PARD3B: variants seen among roughly 807,000 people sequenced by gnomAD.
PARD3B encodes the protein par-3 family cell polarity regulator beta.
In PARD3B, 103 loss-of-function variants were observed where a neutral mutation model predicts 130.2. The observed-to-expected ratio is 0.79, with a 90% CI of 0.67 to 0.93. The LOEUF is 0.93. PARD3B is among the 40% of genes least tolerant of loss of function. PARD3B has a pLI of 0.00. For missense variants in PARD3B, 1,609 were observed against 1,499.2 expected (o/e 1.07, Z -1.21); for synonymous variants, 583 against 553.2 (o/e 1.05, Z -0.76).
chr2:205,255,140 C>T (rs1156852424), intron 16 of PARD3B, among the ~76,000 whole-genome samples: 1 of 151,920 alleles, frequency 6.6e-6, no homozygotes, highest in Non-Finnish European at 1.5e-5. Context: ...CCCAGCTGAA[C>T]TCTTGAAGAC....
intron 2 of PARD3B, among the ~76,000 whole-genome samples, chr2:204,895,880 A>G (rs2046624634): frequency 6.6e-6 from 1 of 152,190 alleles, no homozygotes; most frequent in Non-Finnish European, 1.5e-5. Context: ...GGTCTACCTG[A>G]AAGCAGTATT....
intron 4 of PARD3B, among the ~76,000 whole-genome samples, chr2:205,097,056 C>T (rs1276886275): frequency 6.6e-6 from 1 of 152,010 alleles, no homozygotes; most frequent in Non-Finnish European, 1.5e-5. Flanking sequence ...TTTCTTTGAC[C>T]TTCAGTTTCT....
At chr2:205,006,240 A>T (rs1209338746) in intron 3 of PARD3B, among the ~76,000 whole-genome samples, 3 of 152,184 alleles carry the variant, frequency 2.0e-5, no homozygotes, top group Non-Finnish European at 2.9e-5. Context: ...TTGGTTCCGT[A>T]TCTTTGCAGT....
chr2:205,036,624 G>A (rs913426978), intron 3 of PARD3B, among the ~76,000 whole-genome samples: 12 of 139,032 alleles, frequency 8.6e-5, no homozygotes, highest in East Asian at 2.2e-4. Context: ...TATATACACA[G>A]CGGACTGTAT....
chr2:204,746,941 G>C (rs924611340), intron 2 of PARD3B, among the ~76,000 whole-genome samples: 23 of 152,112 alleles, frequency 1.5e-4, no homozygotes, highest in African/African-American at 5.3e-4. Flanking sequence ...TGTTCATTCT[G>C]ATGGTAGTTT....
At chr2:205,279,098 A>G (rs2041088493) in intron 16 of PARD3B, among the ~76,000 whole-genome samples, 1 of 147,792 alleles carries the variant, frequency 6.8e-6, no homozygotes, top group African/African-American at 2.5e-5. Flanking sequence ...AAAAAAAAAC[A>G]GTTGTTCATT....
chr2:204,881,808 C>T (rs1001828141), intron 2 of PARD3B, among the ~76,000 whole-genome samples: 2 of 152,180 alleles, frequency 1.3e-5, no homozygotes, highest in African/African-American at 4.8e-5. Context: ...GTGTGTTGTG[C>T]ATCTGCTATC....
intron 2 of PARD3B, among the ~76,000 whole-genome samples, chr2:204,935,042 T>G (rs1311417193): frequency 6.6e-6 from 1 of 152,182 alleles, no homozygotes; most frequent in African/African-American, 2.4e-5. Flanking sequence ...ATATGACGCT[T>G]GATTATAACC....
intron 16 of PARD3B, among the ~76,000 whole-genome samples, chr2:205,247,941 G>C (rs2039640967): frequency 6.6e-6 from 1 of 151,598 alleles, no homozygotes; most frequent in Non-Finnish European, 1.5e-5. Flanking sequence ...TTTTGTTTTT[G>C]TTTTTGAGAC....
intron 2 of PARD3B, among the ~76,000 whole-genome samples, chr2:204,837,320 C>A (rs1333197938): frequency 6.6e-6 from 1 of 151,802 alleles, no homozygotes; most frequent in Non-Finnish European, 1.5e-5. Context: ...GAAATTAATG[C>A]ATTTAGTTTA....
chr2:204,597,122 T>C (rs1247257314), intron 1 of PARD3B, among the ~76,000 whole-genome samples: 1 of 152,186 alleles, frequency 6.6e-6, no homozygotes, highest in Non-Finnish European at 1.5e-5. Flanking sequence ...AATTAGCTTG[T>C]CTAACTCATT....
In PARD3B at chr2:205,119,028, T is replaced by C; in HGVS notation, c.788T>C (p.Val263Ala). 1 of 1,605,914 alleles carries C rather than the reference T, an allele frequency of 6.2e-7. No individual in the cohort carries two copies. Among genetic ancestry groups the C allele is most frequent in the Middle Eastern group, 1.7e-4 (1 of 6,030 alleles). ...CIVKINNVDLVDKTFAQAQDV... is the reference protein window; with the variant it reads ...CIVKINNVDLADKTFAQAQDV... Reference sequence around the variant, plus strand: ...GTAAAAATCAACAATGTGGATCTCGTAGACAAAACCTTTGCTCAGTAAGCA... The same window carrying C: ...GTAAAAATCAACAATGTGGATCTCGCAGACAAAACCTTTGCTCAGTAAGCA... Residue 263 changes from valine to alanine, a missense_variant, in exon 7 of 23, where the codon GTA (valine) becomes GCA (alanine). Transcript: ENST00000406610.
At chr2:205,225,453 TA>T (rs1315379593) in intron 15 of PARD3B, among the ~76,000 whole-genome samples, 1 of 152,220 alleles carries the variant, frequency 6.6e-6, no homozygotes. Flanking sequence ...ATCAGATTTT[TA>T]GATTTTTTTC....
rs116053941 is a variant in PARD3B, at chr2:205,077,430, A to G, written c.505-26996A>G. 4.5e-3 allele frequency among the ~76,000 whole-genome samples: 686 copies of G among 152,282 alleles called. 4 individuals carry two copies. Among genetic ancestry groups the G allele is most frequent in the African/African-American group, 0.015 (631 of 41,568 alleles). On this transcript the variant is annotated intron_variant, in intron 4 of 22. Transcript: ENST00000406610. ...TAAGAACTTGGGTCTAGAATAAAAG[A>G]TAAGTAACAATTCAGTCATACCCTT...
At chr2:204,927,958 A>T (rs1244363368) in intron 2 of PARD3B, among the ~76,000 whole-genome samples, 4 of 152,190 alleles carry the variant, frequency 2.6e-5, no homozygotes, top group African/African-American at 9.7e-5. Context: ...TACTACAAAA[A>T]GATGCTGTTT....
chr2:204,661,756 C>A (rs2035815852), intron 1 of PARD3B, among the ~76,000 whole-genome samples: 1 of 152,228 alleles, frequency 6.6e-6, no homozygotes, highest in Non-Finnish European at 1.5e-5. Flanking sequence ...AAATAACTAT[C>A]TTCTAAGAAC....
intron 2 of PARD3B, among the ~76,000 whole-genome samples, chr2:204,957,878 A>G (rs549474260): frequency 1.1e-3 from 165 of 152,180 alleles, no homozygotes; most frequent in South Asian, 2.3e-3. Flanking sequence ...TTTGAGACAA[A>G]CGATTCCAAT....
chr2:205,073,272 G>A (rs888910103), intron 4 of PARD3B, among the ~76,000 whole-genome samples: 1 of 151,916 alleles, frequency 6.6e-6, no homozygotes, highest in Non-Finnish European at 1.5e-5. Flanking sequence ...TGTAAATCAG[G>A]GTGTGTTTTA....
intron 19 of PARD3B, among the ~76,000 whole-genome samples, chr2:205,427,167 C>A (rs2047172941): frequency 6.6e-6 from 1 of 152,088 alleles, no homozygotes; most frequent in African/African-American, 2.4e-5. Flanking sequence ...GTGTAGGTGG[C>A]AATGCAAAAT....
Sources: gnomAD v4.1 joint callset for allele counts (sites outside exome capture counted in the v4.1 genomes callset) on GRCh38, gnomAD v4.1.1 for gene constraint, MANE v1.5 for transcripts, NCBI Gene and HGNC (gene_info 2026-07-23, HGNC 2026-07-21) for gene names.